The following CSMD1 variants were observed in gnomAD, a reference collection of about 807,000 sequenced individuals.
CSMD1 encodes the protein CUB and Sushi multiple domains 1.
A neutral mutation model predicts 417.5 loss-of-function variants in CSMD1; 213 were observed. That is an observed-to-expected ratio of 0.51 (90% CI 0.46 to 0.57). CSMD1 has a LOEUF of 0.57. CSMD1 is among the 20% of genes least tolerant of loss of function. The probability of loss-of-function intolerance (pLI) is 0.00; values close to 1 mark genes in which losing one functional copy is unlikely to be tolerated. For missense variants in CSMD1, 6,923 were observed against 4,529.7 expected (o/e 1.53, Z -15.17); for synonymous variants, 2,862 against 1,736.8 (o/e 1.65, Z -16.11).
chr8:4,258,168 C>G (rs893553821), intron 3 of CSMD1, among the ~76,000 whole-genome samples: 1 of 150,496 alleles, frequency 6.6e-6, no homozygotes, highest in Non-Finnish European at 1.5e-5. Context: ...TGGTCTCAAA[C>G]TCCTGGCCTC....
intron 3 of CSMD1, among the ~76,000 whole-genome samples, chr8:4,340,551 T>C (rs941822283): frequency 3.3e-5 from 5 of 152,118 alleles, no homozygotes; most frequent in South Asian, 2.1e-4. Context: ...AGCAGGATTG[T>C]CCAAGGGCAA....
intron 1 of CSMD1, among the ~76,000 whole-genome samples, chr8:4,966,947 G>C (rs116230700): frequency 0.01 from 1,572 of 152,236 alleles, 26 homozygotes; most frequent in African/African-American, 0.036. Context: ...AAATTCCTTA[G>C]AGAACGTTTG....
chr8:3,261,626 C>G (rs1159258205), intron 26 of CSMD1, among the ~76,000 whole-genome samples: 1 of 152,182 alleles, frequency 6.6e-6, no homozygotes, highest in Non-Finnish European at 1.5e-5. Context: ...GTGATTAAAC[C>G]AACTGCTGCC....
chr8:4,330,790 CCTAT>C (rs752553734), intron 3 of CSMD1, among the ~76,000 whole-genome samples: 41 of 152,148 alleles, frequency 2.7e-4, no homozygotes, highest in African/African-American at 6.7e-4. Flanking sequence ...CATTTCTTTC[CCTAT>C]CTATCTTCTG....
intron 1 of CSMD1, among the ~76,000 whole-genome samples, chr8:4,870,591 G>C (rs1802680977): frequency 6.6e-6 from 1 of 152,078 alleles, no homozygotes; most frequent in African/African-American, 2.4e-5. Context: ...AGAGCAGGAG[G>C]CAAGCTTTCA....
intron 5 of CSMD1, among the ~76,000 whole-genome samples, chr8:3,982,645 G>C (rs1000815991): frequency 6.6e-6 from 1 of 152,044 alleles, no homozygotes; most frequent in Admixed American, 6.5e-5. Context: ...AAATTATGTG[G>C]GGCAAAGATA....
intron 3 of CSMD1, among the ~76,000 whole-genome samples, chr8:4,301,862 C>T (rs55650064): frequency 8.4e-6 from 1 of 119,194 alleles, no homozygotes; most frequent in Non-Finnish European, 1.7e-5. Flanking sequence ...ATTCTTCTGC[C>T]CAAGCTTCAC....
At chr8:3,955,572 T>C (rs998996479) in intron 5 of CSMD1, among the ~76,000 whole-genome samples, 1 of 152,146 alleles carries the variant, frequency 6.6e-6, no homozygotes, top group African/African-American at 2.4e-5. Flanking sequence ...ACATATTCCA[T>C]AGGAGATTGG....
rs189321593 is a variant in CSMD1, at chr8:3,409,479, C to A, written c.1688G>T (p.Arg563Ile). Reference sequence around the variant, plus strand: ...ATTGTTCTGCTGACAGGTGATAACTCTCTCCCCCACCAGCTCAAAGGCCGC... The same window carrying A: ...ATTGTTCTGCTGACAGGTGATAACTATCTCCCCCACCAGCTCAAAGGCCGC... ...CPAAFELVGERVITCQQNNQW... is the reference protein window; with the variant it reads ...CPAAFELVGEIVITCQQNNQW... Residue 563 changes from arginine to isoleucine, a missense_variant, in exon 13 of 70, where the codon AGA becomes ATA. By Grantham distance (97) the Arg-to-Ile change is moderately conservative. Transcript: ENST00000635120. 1 of 1,611,608 alleles carries A rather than the reference C, an allele frequency of 6.2e-7. No homozygotes were observed. The highest frequency in any genetic ancestry group is 2.2e-5 in the East Asian group (1 of 44,770).
At chr8:4,449,452 G>A (rs961700340) in intron 2 of CSMD1, among the ~76,000 whole-genome samples, 1 of 152,112 alleles carries the variant, frequency 6.6e-6, no homozygotes, top group Non-Finnish European at 1.5e-5. Context: ...AATTTTTGTT[G>A]ATAATTCAGT....
chr8:3,223,991 A>T, intron 27 of CSMD1, 124 bp from the exon 28 acceptor site: 1 of 850,410 alleles, frequency 1.2e-6, no homozygotes, highest in Non-Finnish European at 1.8e-6. Flanking sequence ...CCAGTCCAAG[A>T]GATTGTGTGT....
chr8:4,449,365 G>C (rs759958219), intron 2 of CSMD1, among the ~76,000 whole-genome samples: 1 of 152,076 alleles, frequency 6.6e-6, no homozygotes, highest in African/African-American at 2.4e-5. Flanking sequence ...TTTTTTTCCA[G>C]AATGATTCTG....
chr8:4,704,275 C>G (rs1807775700), intron 1 of CSMD1, among the ~76,000 whole-genome samples: 1 of 152,212 alleles, frequency 6.6e-6, no homozygotes. Context: ...ACTTGGAAAA[C>G]AGAGACTTTT....
At position 4,716,180 on chromosome 8, in the gene CSMD1, G is replaced by T. The variant is rs940073843; in HGVS notation, c.86-78622C>A. Among the ~76,000 whole-genome samples, 7 of 152,166 alleles carry T rather than the reference G, an allele frequency of 4.6e-5. No homozygotes were observed. In the East Asian group the frequency reaches 1.4e-3, roughly 29 times the overall value. ...TCACACTTCAGCGAGGAATCCCCCT[G>T]AGCAGGCGCCACCCAATGGGGACTG... On this transcript the variant is annotated intron_variant, in intron 1 of 69. Coordinates refer to ENST00000635120, the MANE Select transcript of CSMD1 (RefSeq NM_033225.6).
At position 3,244,835 on chromosome 8, in the gene CSMD1, A is replaced by G. The variant is rs576555358; in HGVS notation, c.4154-14604T>C. 4.6e-5 allele frequency among the ~76,000 whole-genome samples: 7 copies of G among 152,362 alleles called. No homozygotes were observed. In the South Asian group the frequency reaches 1.4e-3, roughly 32 times the overall value. On this transcript the variant is annotated intron_variant, in intron 26 of 69. Transcript: ENST00000635120. ...GATGGGTGCGGGATCCGTCTTCAGC[A>G]GGGACACTGCTTGGCAGCAAGCAGC... is the stretch of plus-strand genomic sequence containing the variant.
At chr8:4,269,626 T>C (rs146601707) in intron 3 of CSMD1, among the ~76,000 whole-genome samples, 1 of 152,298 alleles carries the variant, frequency 6.6e-6, no homozygotes, top group East Asian at 1.9e-4. Flanking sequence ...TATACGTATA[T>C]TGTAAATATC....
intron 3 of CSMD1, among the ~76,000 whole-genome samples, chr8:4,318,552 A>C (rs1199139643): frequency 2.0e-5 from 3 of 152,182 alleles, no homozygotes; most frequent in African/African-American, 7.2e-5. Flanking sequence ...TACGTTAACA[A>C]GAGCTTTTAC....
chr8:3,494,380 G>A (rs955620745), intron 10 of CSMD1, among the ~76,000 whole-genome samples: 1 of 152,126 alleles, frequency 6.6e-6, no homozygotes, highest in Non-Finnish European at 1.5e-5. Context: ...TCTCCTGAAA[G>A]AAGAAATGCT....
chr8:4,418,567 C>T (rs1042387357), intron 3 of CSMD1, among the ~76,000 whole-genome samples: 3 of 152,154 alleles, frequency 2.0e-5, no homozygotes, highest in Admixed American at 2.0e-4. Flanking sequence ...TATCTATTTT[C>T]TGAACAAATA....
Sources: gnomAD v4.1 joint callset for allele counts (sites outside exome capture counted in the v4.1 genomes callset) on GRCh38, gnomAD v4.1.1 for gene constraint, MANE v1.5 for transcripts, NCBI Gene and HGNC (gene_info 2026-07-23, HGNC 2026-07-21) for gene names.